The following MICB variants were observed in gnomAD, a reference collection of about 807,000 sequenced individuals.
MICB encodes the protein MHC class I antigen-related protein B.
Under a neutral mutation model 34.3 loss-of-function variants are expected in MICB, and 27 were observed. The ratio of observed to expected loss-of-function variants is 0.79; its 90% confidence interval spans 0.58 to 1.08. MICB has a LOEUF of 1.08. MICB is among the 50% of genes least tolerant of loss of function. The pLI is 0.00. For missense variants in MICB, 426 were observed against 483.1 expected (o/e 0.88, Z 1.11); for synonymous variants, 153 against 187.4 (o/e 0.82, Z 1.50).
At position 31,503,986 on chromosome 6, in the gene MICB, T is replaced by TGTGTGTGTG. The variant is rs1371417972; in HGVS notation, c.71-1630_71-1629insTGTGTGTGG. 7.0e-4 allele frequency among the ~76,000 whole-genome samples: 104 copies of TGTGTGTGTG among 147,890 alleles called. 2 individuals are homozygous for TGTGTGTGTG. Among genetic ancestry groups the TGTGTGTGTG allele is most frequent in the African/African-American group, 1.8e-3 (70 of 39,800 alleles). Reference sequence around the variant, plus strand: ...GTGTGTGTGTGTGTGTGTGTGTGTGTGATAATAGCCACCCTGATTGGTTTG... The same window carrying TGTGTGTGTG: ...GTGTGTGTGTGTGTGTGTGTGTGTGTGTGTGTGTGGATAATAGCCACCCTGATTGGTTTG... On this transcript the variant is annotated intron_variant, in intron 1 of 5. Transcript: ENST00000252229.
Position 31,507,615 on chromosome 6 carries a change from C to T in MICB, c.1024+84C>T, listed in dbSNP as rs1209152539. On this transcript the variant is annotated intron_variant, in intron 5 of 5. Transcript: ENST00000252229. The surrounding 1 kb of genome is among the most constrained non-coding windows in gnomAD (Gnocchi z 6.0). Reference sequence around the variant, plus strand: ...CCTCATTGCTCCTGCCCAGACAAGACGTAGGTGACAAGGCTGCTGGGACAG... The same window carrying T: ...CCTCATTGCTCCTGCCCAGACAAGATGTAGGTGACAAGGCTGCTGGGACAG... The T allele has an allele frequency of 2.9e-5, 44 of 1,536,802 alleles. No homozygotes were observed. Among genetic ancestry groups the T allele is most frequent in the African/African-American group, 1.4e-4 (10 of 72,712 alleles).
At chr6:31,508,780 C>G (rs1019821300) in intron 5 of MICB, among the ~76,000 whole-genome samples, 3 of 152,170 alleles carry the variant, frequency 2.0e-5, no homozygotes, top group African/African-American at 7.2e-5. Context: ...TAAAGATGTT[C>G]GTAATTTCAG....
intron 2 of MICB, 50 bp downstream of exon 2, chr6:31,505,921 T>G: frequency 1.6e-5 from 25 of 1,543,172 alleles, no homozygotes; most frequent in Non-Finnish European, 2.1e-5. Flanking sequence ...CCAGGAAAGT[T>G]GGAGACAGAG....
chr6:31,498,292 G>T, intron 1 of MICB, 29 bp downstream of exon 1: 1 of 1,516,798 alleles, frequency 6.6e-7, no homozygotes, highest in Non-Finnish European at 8.9e-7. Flanking sequence ...GGTCCCCGGC[G>T]GAGCGGGAGC....
chr6:31,499,677 C>T (rs1452998660), intron 1 of MICB, among the ~76,000 whole-genome samples: 2 of 151,878 alleles, frequency 1.3e-5, no homozygotes, highest in African/African-American at 2.4e-5. Flanking sequence ...CAGGTGCCTG[C>T]TCTGGGCCCT....
In MICB at chr6:31,505,544, A is replaced by C. The variant is rs900754490; in HGVS notation, c.71-73A>C. 4.2e-5 allele frequency: 66 copies of C among 1,584,878 alleles called. 1 individual carries two copies. The African/African-American group carries it at 5.9e-4, about 14-fold the overall frequency. On this transcript the variant is annotated intron_variant, in intron 1 of 5. Coordinates refer to ENST00000252229, the MANE Select transcript of MICB (RefSeq NM_005931.5). Reference sequence around the variant, plus strand: ...GCCTCCTCAGGGAGGTCGGGACAGCAGACCTGTGTGTTAAACATCAATGTG... The same window carrying C: ...GCCTCCTCAGGGAGGTCGGGACAGCCGACCTGTGTGTTAAACATCAATGTG...
At chr6:31,496,396 T>C (rs1272366595), upstream of MICB, among the ~76,000 whole-genome samples, 1 of 135,572 alleles carries the variant, frequency 7.4e-6, no homozygotes, top group African/African-American at 2.8e-5. Flanking sequence ...AGGCGGAGCC[T>C]TGCTCTGTTG....
At chr6:31,505,031 A>T (rs1422476428) in intron 1 of MICB, among the ~76,000 whole-genome samples, 1 of 151,968 alleles carries the variant, frequency 6.6e-6, no homozygotes, top group Non-Finnish European at 1.5e-5. Flanking sequence ...TCCACTTTGG[A>T]CCCAAGCCCA....
chr6:31,496,740 A>G (rs9267370), upstream of MICB: 892 of 152,134 alleles, frequency 5.9e-3, 8 homozygotes, highest in Non-Finnish European at 7.5e-3. Flanking sequence ...AAAAACATCT[A>G]TAACTGGTTG....
In MICB at chr6:31,498,259, C is replaced by T. The variant is rs752426500; in HGVS notation, c.66C>T (p.Ala22=). The T allele has an allele frequency of 7.6e-5, 120 of 1,569,418 alleles. 1 individual carries two copies. In the Admixed American group the frequency reaches 2.1e-3, roughly 27 times the overall value. The change falls in exon 1 of 6, where the codon GCC becomes GCT. Residue 22 remains alanine, a synonymous_variant. Coordinates refer to ENST00000252229, the MANE Select transcript of MICB (RefSeq NM_005931.5). ...VAFPFAPPAA[A]AEPHSLRYNL... ...TCCCTTTTGCACCCCCGGCAGCCGC[C>T]GCTGGTGAGTGGGGTTCCTGGCGGT...
chr6:31,494,925 G>C (rs1397948553), upstream of MICB: 1 of 156,236 alleles, frequency 6.4e-6, no homozygotes, highest in Non-Finnish European at 1.4e-5. Context: ...TTTCTTTTCC[G>C]GACCCTGCAG....
intron 1 of MICB, among the ~76,000 whole-genome samples, chr6:31,502,240 G>A (rs1765056299): frequency 6.6e-6 from 1 of 152,188 alleles, no homozygotes; most frequent in Admixed American, 6.5e-5. Context: ...GAAAGCTGAG[G>A]CAGGAGAATC....
Position 31,510,021 on chromosome 6 carries a change from T to C in MICB, c.*112T>C. On this transcript the variant is annotated 3_prime_UTR_variant, in exon 6 of 6. Coordinates refer to ENST00000252229, the MANE Select transcript of MICB (RefSeq NM_005931.5). ...AAATAACATCACTTATTTATTGTTG[T>C]TGGATGCTGCAAAGTGTTAGTAGGT... The C allele has an allele frequency of 7.6e-7, 1 of 1,308,982 alleles. No individual in the cohort carries two copies. The allele number at this position is 1,308,982 out of a possible 1,614,324, so 81.1% of individuals were successfully genotyped here.
chr6:31,509,829 G>A lies in MICB; in HGVS notation c.1072G>A (p.Asp358Asn), dbSNP rs1374105414. ...GGATCAACACCCAGTTGGGACAGGA[G>A]ACCACAGGGATGCAGCACAGCTGGG... Reference protein sequence around the residue: ...VLDQHPVGTGDHRDAAQLGFQ... With the variant: ...VLDQHPVGTGNHRDAAQLGFQ... Residue 358 changes from aspartate to asparagine, a missense_variant, in exon 6 of 6, where the codon GAC (aspartate) becomes AAC (asparagine). Transcript: ENST00000252229. The A allele has an allele frequency of 1.2e-6, 2 of 1,613,616 alleles. No individual in the cohort carries two copies. The highest frequency in any genetic ancestry group is 1.7e-6 in the Non-Finnish European group (2 of 1,179,808).
In MICB at chr6:31,503,954, TGTGTGTG is replaced by T. The variant is rs1562360637; in HGVS notation, c.71-1662_71-1656del. ...CTACCTCCTTGCCAAACTTGCTGTG[TGTGTGTG>T]TGTGTGTGTGTGTGTGTGTGTGTGT... On this transcript the variant is annotated intron_variant, in intron 1 of 5. Transcript: ENST00000252229. Among the ~76,000 whole-genome samples, 330 of 149,498 alleles carry T rather than the reference TGTGTGTG, an allele frequency of 2.2e-3. 3 individuals are homozygous for T. The highest frequency in any genetic ancestry group is 6.8e-3 in the African/African-American group (273 of 40,256).
At chr6:31,495,250 T>G (rs2150271199), upstream of MICB, among the ~76,000 whole-genome samples, 1 of 152,272 alleles carries the variant, frequency 6.6e-6, no homozygotes, top group Middle Eastern at 3.4e-3. Context: ...TCATTATTAT[T>G]ATTGAACTAT....
chr6:31,498,269 T>A lies in MICB; in HGVS notation c.70+6T>A. The A allele has an allele frequency of 6.4e-7, 1 of 1,560,202 alleles. No individual in the cohort carries two copies. Among genetic ancestry groups the A allele is most frequent in the Non-Finnish European group, 8.7e-7 (1 of 1,150,446 alleles). On this transcript the variant is annotated splice_donor_region_variant and intron_variant, in intron 1 of 5. Transcript: ENST00000252229. Reference sequence around the variant, plus strand: ...ACCCCCGGCAGCCGCCGCTGGTGAGTGGGGTTCCTGGCGGTCCCCGGCGGA... The same window carrying A: ...ACCCCCGGCAGCCGCCGCTGGTGAGAGGGGTTCCTGGCGGTCCCCGGCGGA...
chr6:31,500,356 A>G (rs1197982410), intron 1 of MICB, among the ~76,000 whole-genome samples: 1 of 152,092 alleles, frequency 6.6e-6, no homozygotes, highest in Non-Finnish European at 1.5e-5. Flanking sequence ...TATGGGGTAC[A>G]TGGGATATTT....
chr6:31,505,202 C>T (rs1168157372), intron 1 of MICB, among the ~76,000 whole-genome samples: 1 of 133,636 alleles, frequency 7.5e-6, no homozygotes, highest in Non-Finnish European at 1.8e-5. Context: ...CTCACCCTCA[C>T]CTGTGCACCA....
Sources: gnomAD v4.1 joint callset for allele counts (sites outside exome capture counted in the v4.1 genomes callset) on GRCh38, gnomAD v4.1.1 for gene constraint, Gnocchi (gnomAD v3.1) non-coding constraint, MANE v1.5 for transcripts, NCBI Gene and HGNC (gene_info 2026-07-23, HGNC 2026-07-21) for gene names.